LRRC56: variants seen among roughly 807,000 people sequenced by gnomAD.
LRRC56 encodes the protein leucine-rich repeat-containing protein 56.
Under a neutral mutation model 47.8 loss-of-function variants are expected in LRRC56, and 41 were observed. The observed-to-expected ratio is 0.86, with a 90% CI of 0.67 to 1.11. The LOEUF is 1.11. LRRC56 is among the 50% of genes most tolerant of loss of function. The pLI is 0.00. For synonymous variants in LRRC56, 387 were observed against 311.2 expected (o/e 1.24, Z -2.56); for missense variants, 759 against 704.2 (o/e 1.08, Z -0.88).
intron 5 of LRRC56, among the ~76,000 whole-genome samples, chr11:543,182 G>C: frequency 6.9e-6 from 1 of 143,970 alleles, no homozygotes; most frequent in East Asian, 2.1e-4. Flanking sequence ...TTACAGGGAT[G>C]AGCCACCGCG....
chr11:552,319 G>T (rs1852443860), intron 12 of LRRC56, 87 bp downstream of exon 12: 2 of 1,519,254 alleles, frequency 1.3e-6, no homozygotes, highest in African/African-American at 1.4e-5. Flanking sequence ...GTCATCCCCA[G>T]TCCCAAGGCT....
At chr11:553,236 C>T (rs1332113763) in intron 13 of LRRC56, among the ~76,000 whole-genome samples, 1 of 152,224 alleles carries the variant, frequency 6.6e-6, no homozygotes, top group Non-Finnish European at 1.5e-5. Flanking sequence ...AGTGTGATCA[C>T]AGCTGCAAAG....
the LRRC56 span, among the ~76,000 whole-genome samples, chr11:523,242 T>A: frequency 1.3e-5 from 2 of 151,456 alleles, no homozygotes; most frequent in Non-Finnish European, 2.9e-5. Context: ...TTGGTCATGC[T>A]GGTCTCGAAC....
At chr11:515,431 A>G in the LRRC56 span, among the ~76,000 whole-genome samples, 7 of 151,456 alleles carry the variant, frequency 4.6e-5, no homozygotes, top group Admixed American at 4.0e-4. Context: ...GTTTTCCTTT[A>G]TGTGTCATGC....
chr11:521,539 C>T, the LRRC56 span, among the ~76,000 whole-genome samples: 1 of 152,184 alleles, frequency 6.6e-6, no homozygotes, highest in Non-Finnish European at 1.5e-5. Context: ...GAACTCCTAG[C>T]TCAAGCAACT....
At chr11:514,649 A>G in the LRRC56 span, among the ~76,000 whole-genome samples, 4 of 151,900 alleles carry the variant, frequency 2.6e-5, no homozygotes, top group Non-Finnish European at 5.9e-5. Flanking sequence ...CCAGTTGGGG[A>G]GGGAGTGAGG....
In LRRC56 at chr11:543,946, C is replaced by T. The variant is rs1851936778; in HGVS notation, c.266-774C>T. On this transcript the variant is annotated intron_variant, in intron 5 of 13. Coordinates refer to ENST00000270115, the MANE Select transcript of LRRC56 (RefSeq NM_198075.4). ...TGTATTTTTAGTAGAGACGGGGTTT[C>T]ACCGTGTTAACCAGGATGGTCTCGA... Among the ~76,000 whole-genome samples, 3 of 152,128 alleles carry T rather than the reference C, an allele frequency of 2.0e-5. No individual in the cohort carries two copies. In the South Asian group the frequency reaches 6.2e-4, roughly 31 times the overall value.
the LRRC56 span, among the ~76,000 whole-genome samples, chr11:515,794 T>C: frequency 6.6e-6 from 1 of 152,184 alleles, no homozygotes. Context: ...GTCAAGATTG[T>C]GCCACTGCCC....
At chr11:531,171 G>A in the LRRC56 span, among the ~76,000 whole-genome samples, 10 of 150,700 alleles carry the variant, frequency 6.6e-5, no homozygotes, top group East Asian at 1.6e-3. Context: ...CTGGAGAGAA[G>A]GGCGAGTGTG....
At chr11:544,124 G>A (rs1489547078) in intron 5 of LRRC56, among the ~76,000 whole-genome samples, 5 of 152,354 alleles carry the variant, frequency 3.3e-5, no homozygotes, top group South Asian at 2.1e-4. Flanking sequence ...AAAAGACTCC[G>A]AACGCAGAGC....
intron 5 of LRRC56, among the ~76,000 whole-genome samples, chr11:542,977 C>T (rs1029135661): frequency 6.6e-6 from 1 of 151,692 alleles, no homozygotes; most frequent in Admixed American, 6.6e-5. Flanking sequence ...CTCACTGCAA[C>T]CTCTGCCTCC....
chr11:545,512 G>A (rs1177996181), intron 6 of LRRC56, among the ~76,000 whole-genome samples: 1 of 150,326 alleles, frequency 6.7e-6, no homozygotes, highest in Non-Finnish European at 1.5e-5. Context: ...AGACCAGACG[G>A]CAGCCCCCGG....
At chr11:518,203 G>T in the LRRC56 span, among the ~76,000 whole-genome samples, 1 of 150,018 alleles carries the variant, frequency 6.7e-6, no homozygotes, top group Non-Finnish European at 1.5e-5. Flanking sequence ...TTTTTTTTGA[G>T]ATGGAGTCTC....
intron 6 of LRRC56, among the ~76,000 whole-genome samples, chr11:549,684 G>A (rs955398495): frequency 2.6e-5 from 4 of 152,248 alleles, no homozygotes; most frequent in South Asian, 2.1e-4. Context: ...CACCGGTCAC[G>A]AGGGCAGCTC....
chr11:517,216 T>C, the LRRC56 span, among the ~76,000 whole-genome samples: 48,112 of 152,156 alleles, frequency 0.32, 7,685 homozygotes, highest in Admixed American at 0.36. Context: ...ACCTTCCAGC[T>C]GCCTGCCTTG....
chr11:526,985 C>A, the LRRC56 span, among the ~76,000 whole-genome samples: 1 of 151,930 alleles, frequency 6.6e-6, no homozygotes, highest in Non-Finnish European at 1.5e-5. Flanking sequence ...CACAGGCACA[C>A]ACACCAATCT....
chr11:538,808 G>C lies in LRRC56; in HGVS notation c.-211G>C, dbSNP rs1022123759. 1.4e-5 allele frequency: 2 copies of C among 144,122 alleles called. No homozygotes were observed. The highest frequency in any genetic ancestry group is 2.8e-5 in the African/African-American group (1 of 36,200). 8.9% of individuals were successfully genotyped at this position (144,122 alleles called of 1,614,324 possible). On this transcript the variant is annotated 5_prime_UTR_variant, in exon 2 of 14. Transcript: ENST00000270115. ...AGAGGAGCACGCAGGCCACGTGCAG[G>C]CCACGTGCAGCCCACAGCTCTGGGG...
At chr11:548,611 C>A (rs529850545) in intron 6 of LRRC56, among the ~76,000 whole-genome samples, 75 of 152,298 alleles carry the variant, frequency 4.9e-4, no homozygotes, top group African/African-American at 1.7e-3. Flanking sequence ...GCACCCGCCA[C>A]CACGCCTGGC....
chr11:531,188 G>A, the LRRC56 span, among the ~76,000 whole-genome samples: 1 of 141,796 alleles, frequency 7.1e-6, no homozygotes, highest in African/African-American at 2.7e-5. Flanking sequence ...TGTGGTGTTC[G>A]CTGGAGAGAA....
Sources: allele counts gnomAD v4.1 joint callset (sites outside exome capture counted in the v4.1 genomes callset), GRCh38; gene constraint gnomAD v4.1.1; transcripts MANE v1.5; gene names NCBI Gene and HGNC (gene_info 2026-07-23, HGNC 2026-07-21).